LINGO1: variants seen among roughly 807,000 people sequenced by gnomAD.
LINGO1 encodes the protein leucine-rich repeat and immunoglobulin-like domain-containing nogo receptor-interacting protein 1.
A neutral mutation model predicts 37.3 loss-of-function variants in LINGO1; 11 were observed. That is an observed-to-expected ratio of 0.29 (90% CI 0.19 to 0.49). The LOEUF is 0.49. Among genes scored for constraint, LINGO1 ranks in the 20% least tolerant of loss-of-function variants. The pLI is 0.99. For missense variants in LINGO1, 585 were observed against 878.2 expected (o/e 0.67, Z 4.22); for synonymous variants, 387 against 403.0 (o/e 0.96, Z 0.48).
chr15:77,806,763 T>C (rs1245104708), intron 1 of LINGO1, among the ~76,000 whole-genome samples: 4 of 151,840 alleles, frequency 2.6e-5, no homozygotes, highest in Non-Finnish European at 5.9e-5. Flanking sequence ...GCAGAGGAGG[T>C]GAGCGCCAGG....
chr15:77,656,052 T>G (rs74025352), intron 3 of LINGO1, among the ~76,000 whole-genome samples: 9,451 of 152,276 alleles, frequency 0.062, 314 homozygotes, highest in East Asian at 0.12. Context: ...CCTCTGCTGC[T>G]TCCAGTGTGG....
intron 1 of LINGO1, among the ~76,000 whole-genome samples, chr15:77,776,630 C>T (rs1384315342): frequency 6.6e-6 from 1 of 151,906 alleles, no homozygotes; most frequent in Non-Finnish European, 1.5e-5. Context: ...GCCACCATGT[C>T]CTCCATGGCT....
Position 77,620,385 on chromosome 15 carries a change from C to T in LINGO1, c.7-4485G>A, listed in dbSNP as rs2073880358. On this transcript the variant is annotated intron_variant, in intron 1 of 1. Coordinates refer to ENST00000355300, the MANE Select transcript of LINGO1 (RefSeq NM_032808.7). ...CAGGCAGTGGGGGACACTGAGCCAT[C>T]AGACCAGCACTGCAGAGGGCAGGTC... 2.0e-5 allele frequency among the ~76,000 whole-genome samples: 3 copies of T among 152,240 alleles called. No homozygotes were observed. In the South Asian group the frequency reaches 6.2e-4, roughly 31 times the overall value.
At chr15:77,787,821 A>C (rs1322659163), upstream of LINGO1, 1 of 152,194 alleles carries the variant, frequency 6.6e-6, no homozygotes, top group East Asian at 1.9e-4. Context: ...AGAATCCTTT[A>C]ATTGGGAAGT....
At chr15:77,792,803 A>G (rs1050456726) in intron 2 of LINGO1, among the ~76,000 whole-genome samples, 4 of 152,246 alleles carry the variant, frequency 2.6e-5, no homozygotes, top group African/African-American at 7.2e-5. Context: ...CACAGAGAAC[A>G]ATGCCTCATG....
At chr15:77,666,649 T>C (rs773992554) in intron 3 of LINGO1, among the ~76,000 whole-genome samples, 39 of 152,264 alleles carry the variant, frequency 2.6e-4, no homozygotes, top group Admixed American at 6.5e-5. Flanking sequence ...CCTTGTGATC[T>C]GGAGCAGCTA....
Position 77,808,688 on chromosome 15 carries a change from C to T in LINGO1, c.-458+11570G>A, listed in dbSNP as rs183517034. 3.6e-4 allele frequency among the ~76,000 whole-genome samples: 55 copies of T among 152,326 alleles called. 1 individual carries two copies. The highest frequency in any genetic ancestry group is 9.1e-4 in the Admixed American group (14 of 15,306). On this transcript the variant is annotated intron_variant, in intron 1 of 5. Coordinates refer to the LINGO1 transcript ENST00000562933. The stretch of plus-strand genomic sequence containing the variant: ...TGCCAGCTCCTCCATTCATTAGCTG[C>T]GTGATCTCCACCAAGTCCCTCAATC...
chr15:77,786,666 T>C (rs1400066542), intron 1 of LINGO1, among the ~76,000 whole-genome samples: 1 of 152,182 alleles, frequency 6.6e-6, no homozygotes. Context: ...GAGCCACCCG[T>C]GGCACCATCT....
intron 2 of LINGO1, among the ~76,000 whole-genome samples, chr15:77,721,897 C>T (rs917410491): frequency 6.6e-6 from 1 of 151,672 alleles, no homozygotes; most frequent in African/African-American, 2.4e-5. Context: ...TCCACCCCAA[C>T]CTCTAACATG....
chr15:77,686,325 C>T (rs1048237486), intron 2 of LINGO1, among the ~76,000 whole-genome samples: 1 of 152,168 alleles, frequency 6.6e-6, no homozygotes, highest in Non-Finnish European at 1.5e-5. Context: ...CCCCTGCTCC[C>T]GCCGATGCTC....
chr15:77,615,112 C>G lies in LINGO1; in HGVS notation c.795G>C (p.Leu265=), dbSNP rs761710057. The change falls in exon 2 of 2, where the codon CTG becomes CTC. Residue 265 remains leucine (L), a synonymous_variant. Transcript: ENST00000355300. The stretch of plus-strand genomic sequence containing the variant: ...TGCAGTGTGTGATGGACAGGGACGT[C>G]AGGTTGAGGCCGTAGAGGCAGTTGG... ...MTPNCLYGLN[L]TSLSITHCNL... 6.2e-7 allele frequency: 1 copy of G among 1,613,958 alleles called. No individual in the cohort carries two copies. The highest frequency in any genetic ancestry group is 1.7e-5 in the Admixed American group (1 of 60,020).
intron 1 of LINGO1, among the ~76,000 whole-genome samples, chr15:77,761,312 C>T (rs1006557920): frequency 1.3e-5 from 2 of 152,076 alleles, no homozygotes; most frequent in Non-Finnish European, 2.9e-5. Flanking sequence ...CAGGGACCCA[C>T]CACCAAATTG....
At chr15:77,815,715 C>A (rs1355060461) in intron 1 of LINGO1, among the ~76,000 whole-genome samples, 1 of 152,134 alleles carries the variant, frequency 6.6e-6, no homozygotes. Context: ...CGACCTAGAT[C>A]ACCCCACCCA....
chr15:77,808,749 G>A (rs1229072156), intron 1 of LINGO1, among the ~76,000 whole-genome samples: 2 of 152,170 alleles, frequency 1.3e-5, no homozygotes, highest in African/African-American at 4.8e-5. Flanking sequence ...GTTAAATGGG[G>A]ATAGTAATAG....
chr15:77,646,651 T>C (rs2074637309), intron 3 of LINGO1: 1 of 300,680 alleles, frequency 3.3e-6, no homozygotes, highest in Admixed American at 4.6e-5. Context: ...CCTGCCAGGG[T>C]CTGCCCCAAT....
chr15:77,767,004 G>A (rs968169131), intron 1 of LINGO1, among the ~76,000 whole-genome samples: 5 of 152,144 alleles, frequency 3.3e-5, no homozygotes, highest in African/African-American at 1.2e-4. Context: ...GTTCCCTCCA[G>A]GAAGCACAAC....
rs117498227 is a variant in LINGO1, at chr15:77,627,300, C to T, written c.6+5010G>A. Among the ~76,000 whole-genome samples the T allele has an allele frequency of 5.3e-3, 802 of 152,174 alleles. 3 individuals are homozygous for T. The highest frequency in any genetic ancestry group is 8.3e-3 in the Non-Finnish European group (564 of 68,002). ...GCCCAGGCCCAGGCAGAAAAGGCAG[C>T]GTGGAATCAATCGTTGGTGTACCAG... On this transcript the variant is annotated intron_variant, in intron 1 of 1. Transcript: ENST00000355300.
intron 3 of LINGO1, chr15:77,651,482 T>C (rs2074757257): frequency 6.6e-6 from 1 of 152,154 alleles, no homozygotes; most frequent in African/African-American, 2.4e-5. Context: ...CTGGAAAAAG[T>C]GGTAACAGTT....
chr15:77,693,356 T>A (rs2075637563), intron 1 of LINGO1, among the ~76,000 whole-genome samples: 1 of 152,106 alleles, frequency 6.6e-6, no homozygotes, highest in Admixed American at 6.5e-5. Flanking sequence ...TGACATGCAA[T>A]AATGATCATA....
Sources: gnomAD v4.1 joint callset for allele counts (sites outside exome capture counted in the v4.1 genomes callset) on GRCh38, gnomAD v4.1.1 for gene constraint, MANE v1.5 for transcripts, NCBI Gene and HGNC (gene_info 2026-07-23, HGNC 2026-07-21) for gene names.